KDM2B: variants seen among roughly 807,000 people sequenced by gnomAD.
KDM2B encodes the protein lysine demethylase 2B, also known as lysine-specific demethylase 2B.
A neutral mutation model predicts 150.0 loss-of-function variants in KDM2B; 26 were observed. That is an observed-to-expected ratio of 0.17 (90% CI 0.13 to 0.24). KDM2B has a LOEUF of 0.24. KDM2B is among the 10% of genes least tolerant of loss of function. The pLI is 1.00. For synonymous variants in KDM2B, 734 were observed against 729.5 expected, an observed-to-expected ratio of 1.01 and a Z score of -0.10; for missense variants, 1,265 against 1,816.9, an observed-to-expected ratio of 0.70 and a Z score of 5.52.
the KDM2B span, chr12:121,420,695 A>G: frequency 3.7e-5 from 59 of 1,614,210 alleles, 1 homozygote; most frequent in Admixed American, 1.5e-4. Context: ...AATTTTGTCA[A>G]CTATTCTGGC....
At chr12:121,459,274 G>C (rs2139100872) in intron 12 of KDM2B, among the ~76,000 whole-genome samples, 1 of 152,086 alleles carries the variant, frequency 6.6e-6, no homozygotes, top group East Asian at 1.9e-4. Flanking sequence ...AATTCAGTTG[G>C]GTAAAGAATG....
chr12:121,548,915 C>T lies in KDM2B; in HGVS notation c.645G>A (p.Thr215=), dbSNP rs372240270. The T allele has an allele frequency of 2.4e-5, 38 of 1,614,186 alleles. No homozygotes were observed. Among genetic ancestry groups the T allele is most frequent in the Non-Finnish European group, 3.1e-5 (37 of 1,180,014 alleles). ...QHLKEKQTEA[T]NAIAEMKYPK... ...GGTACTTCATCTCTGCAATGGCGTT[C>T]GTGGCTTCTGTCTGCTTCTCCTTCA... Residue 215 remains threonine (T), a synonymous_variant, in exon 6 of 23, where the codon ACG becomes ACA. Coordinates refer to ENST00000377071, the MANE Select transcript of KDM2B (RefSeq NM_032590.5).
chr12:121,542,523 A>G (rs1888689263), intron 6 of KDM2B, among the ~76,000 whole-genome samples: 1 of 152,270 alleles, frequency 6.6e-6, no homozygotes, highest in African/African-American at 2.4e-5. Flanking sequence ...GAATCACAGA[A>G]ACTGTGAGAT....
intron 12 of KDM2B, among the ~76,000 whole-genome samples, chr12:121,485,061 G>A (rs1399739023): frequency 1.3e-5 from 2 of 152,118 alleles, no homozygotes; most frequent in Non-Finnish European, 2.9e-5. Context: ...AAGCCAAGGA[G>A]AGAGGCCTGA....
At chr12:121,530,946 T>C (rs1209507981) in intron 8 of KDM2B, among the ~76,000 whole-genome samples, 1 of 152,004 alleles carries the variant, frequency 6.6e-6, no homozygotes, top group African/African-American at 2.4e-5. Context: ...CCCACCACCA[T>C]TGTAGAGAGA....
intron 4 of KDM2B, among the ~76,000 whole-genome samples, chr12:121,562,744 C>T (rs1275687446): frequency 6.6e-6 from 1 of 151,864 alleles, no homozygotes; most frequent in Non-Finnish European, 1.5e-5. Flanking sequence ...TTTGAAGACA[C>T]CCAGGGCCAG....
At chr12:121,445,549 A>G (rs762720640) in intron 13 of KDM2B, 131 bp from the exon 14 acceptor site, 5 of 786,396 alleles carry the variant, frequency 6.4e-6, no homozygotes, top group East Asian at 2.7e-5. Context: ...GCCCAGGCAC[A>G]TTCGCTCACT....
At chr12:121,436,412 T>C (rs1873985641) in intron 22 of KDM2B, among the ~76,000 whole-genome samples, 1 of 151,650 alleles carries the variant, frequency 6.6e-6, no homozygotes, top group Non-Finnish European at 1.5e-5. Flanking sequence ...TCCCAGCTAC[T>C]CGGGAGGCTG....
intron 6 of KDM2B, among the ~76,000 whole-genome samples, chr12:121,534,966 G>A (rs567005744): frequency 1.3e-5 from 2 of 152,206 alleles, no homozygotes; most frequent in Admixed American, 1.3e-4. Context: ...TCACAGCTTG[G>A]ATACCTGCAG....
intron 12 of KDM2B, among the ~76,000 whole-genome samples, chr12:121,465,197 T>C (rs1257998968): frequency 6.6e-6 from 1 of 152,190 alleles, no homozygotes; most frequent in Non-Finnish European, 1.5e-5. Context: ...AAAATTTGGC[T>C]ACAGTGAATA....
chr12:121,437,634 A>C (rs1266245565), intron 22 of KDM2B, among the ~76,000 whole-genome samples: 1 of 152,214 alleles, frequency 6.6e-6, no homozygotes, highest in African/African-American at 2.4e-5. Flanking sequence ...GGTAGTGAGG[A>C]TGGGGTAAAG....
At chr12:121,428,333 C>CA (rs1353839664), downstream of KDM2B, among the ~76,000 whole-genome samples, 1 of 152,036 alleles carries the variant, frequency 6.6e-6, no homozygotes, top group African/African-American at 2.4e-5. Flanking sequence ...GCTGGGACTA[C>CA]AGGCATGCAC....
the KDM2B span, chr12:121,417,828 A>G: frequency 6.2e-7 from 1 of 1,614,176 alleles, no homozygotes; most frequent in Non-Finnish European, 8.5e-7. This position sits in a 1 kb window ranked among gnomAD's most constrained non-coding sequence, Gnocchi z 5.0. Context: ...TTCAAACTAT[A>G]CAGCCCCCTC....
At chr12:121,571,336 T>A (rs1487210082) in intron 4 of KDM2B, among the ~76,000 whole-genome samples, 1 of 152,260 alleles carries the variant, frequency 6.6e-6, no homozygotes, top group African/African-American at 2.4e-5. Flanking sequence ...TCACCCAGGC[T>A]GGAGTGCAGT....
intron 12 of KDM2B, among the ~76,000 whole-genome samples, chr12:121,463,324 A>C (rs1010555924): frequency 1.3e-5 from 2 of 152,190 alleles, no homozygotes; most frequent in African/African-American, 4.8e-5. Context: ...TCAAAAAAAA[A>C]AAAAGCACTA....
At chr12:121,572,879 G>A (rs1408190829) in intron 4 of KDM2B, among the ~76,000 whole-genome samples, 6 of 147,570 alleles carry the variant, frequency 4.1e-5, no homozygotes, top group African/African-American at 1.3e-4. Context: ...AGGCTGGAGT[G>A]CAGTGGCACG....
intron 12 of KDM2B, among the ~76,000 whole-genome samples, chr12:121,476,703 T>C (rs1279448621): frequency 1.3e-5 from 2 of 152,094 alleles, no homozygotes; most frequent in African/African-American, 4.8e-5. Flanking sequence ...TTCCAATACA[T>C]ATGGCTTTTC....
the KDM2B span, chr12:121,420,516 T>A: frequency 1.3e-6 from 2 of 1,587,310 alleles, no homozygotes; most frequent in Non-Finnish European, 8.6e-7. Flanking sequence ...CAGTGATGAG[T>A]TTAGAGTGGG....
In KDM2B at chr12:121,492,761, G is replaced by A. The variant is rs1352200653; in HGVS notation, c.1734+1818C>T. 6.0e-5 allele frequency among the ~76,000 whole-genome samples: 9 copies of A among 151,228 alleles called. No individual in the cohort carries two copies. In the East Asian group the frequency reaches 6.0e-4, roughly 10 times the overall value. Reference sequence around the variant, plus strand: ...GGAGAATCGCTTGAACTCCGGAGGCGGAGGATGCAGTGAGCCGAGATCACG... The same window carrying A: ...GGAGAATCGCTTGAACTCCGGAGGCAGAGGATGCAGTGAGCCGAGATCACG... On this transcript the variant is annotated intron_variant, in intron 12 of 22. Transcript: ENST00000377071.
Sources: allele counts gnomAD v4.1 joint callset (sites outside exome capture counted in the v4.1 genomes callset), GRCh38; gene constraint gnomAD v4.1.1; non-coding constraint Gnocchi (gnomAD v3.1); transcripts MANE v1.5; gene names NCBI Gene and HGNC (gene_info 2026-07-23, HGNC 2026-07-21).